TTLL4: variants seen among roughly 807,000 people sequenced by gnomAD.
TTLL4 encodes the protein tubulin tyrosine ligase like 4.
A neutral mutation model predicts 122.7 loss-of-function variants in TTLL4; 85 were observed. That is an observed-to-expected ratio of 0.69 (90% CI 0.58 to 0.83). The LOEUF is 0.83. TTLL4 is among the 40% of genes least tolerant of loss of function. TTLL4 has a pLI of 0.00. For synonymous variants in TTLL4, 553 were observed against 563.0 expected, an observed-to-expected ratio of 0.98 and a Z score of 0.25; for missense variants, 1,363 against 1,488.6, an observed-to-expected ratio of 0.92 and a Z score of 1.39.
intron 8 of TTLL4, 143 bp from the exon 9 acceptor site, chr2:218,746,860 A>G (rs1942857188): frequency 1.2e-6 from 1 of 816,700 alleles, no homozygotes; most frequent in Admixed American, 2.8e-5. Context: ...TGGATACTTG[A>G]GGACCATTAG....
At chr2:218,745,345 G>A in intron 6 of TTLL4, 112 bp downstream of exon 6, 2 of 1,430,684 alleles carry the variant, frequency 1.4e-6, no homozygotes, top group Non-Finnish European at 1.9e-6. Context: ...GGCTGTTGTG[G>A]CAGTTGTCAC....
rs2106431808 is a variant in TTLL4, at chr2:218,737,676, C to T, written c.-1C>T. 6.3e-7 allele frequency: 1 copy of T among 1,585,618 alleles called. No homozygotes were observed. Among genetic ancestry groups the T allele is most frequent in the Non-Finnish European group, 8.6e-7 (1 of 1,164,500 alleles). ...CCGTGTGGCCATGATGTGGGCCCCT[C>T]ATGGCCTCAGCAGGAACACAGCACT... On this transcript the variant is annotated 5_prime_UTR_variant, in exon 3 of 20. Transcript: ENST00000392102.
chr2:218,739,035 T>G lies in TTLL4; in HGVS notation c.1359T>G (p.Gly453=). The part of the protein sequence containing the change: ...SSAFGEGKAP[G]PPFPQTLGIA... ...CATTTGGAGAAGGCAAAGCTCCAGG[T>G]CCCCCTTTTCCTCAAACTCTTGGCA... The change falls in exon 3 of 20, where the codon GGT becomes GGG. Residue 453 remains glycine, a synonymous_variant. Transcript: ENST00000392102. The G allele has an allele frequency of 1.2e-6, 2 of 1,613,946 alleles. No homozygotes were observed. The highest frequency in any genetic ancestry group is 1.7e-6 in the Non-Finnish European group (2 of 1,179,988).
At chr2:218,756,315 G>A (rs929333074), downstream of TTLL4, among the ~76,000 whole-genome samples, 3 of 152,188 alleles carry the variant, frequency 2.0e-5, no homozygotes, top group African/African-American at 7.2e-5. Context: ...GAGGGAACCA[G>A]CATTGCTGAA....
downstream of TTLL4, among the ~76,000 whole-genome samples, chr2:218,758,965 C>G (rs563370399): frequency 6.6e-6 from 1 of 152,220 alleles, no homozygotes; most frequent in Non-Finnish European, 1.5e-5. Flanking sequence ...AACAGAGGGC[C>G]GGGCGTGGTG....
In TTLL4 at chr2:218,754,435, T is replaced by TAC; in HGVS notation, c.*47_*48dup. The TAC allele has an allele frequency of 6.2e-7, 1 of 1,608,150 alleles. No homozygotes were observed. The highest frequency in any genetic ancestry group is 8.5e-7 in the Non-Finnish European group (1 of 1,177,314). On this transcript the variant is annotated 3_prime_UTR_variant, in exon 20 of 20. Transcript: ENST00000392102. ...TCTGCCCAGGAGCATGGGCATCAGCTACCTCACGGGAACCAGCCTGCTGTT... is the reference window on the plus strand; with the variant it reads ...TCTGCCCAGGAGCATGGGCATCAGCTACACCTCACGGGAACCAGCCTGCTGTT...
At chr2:218,756,009 G>C (rs953969693), downstream of TTLL4, among the ~76,000 whole-genome samples, 3 of 152,198 alleles carry the variant, frequency 2.0e-5, no homozygotes, top group African/African-American at 7.2e-5. Context: ...CATAATGGGA[G>C]AGGTCCTTGA....
intron 12 of TTLL4, 69 bp from the exon 13 acceptor site, chr2:218,748,767 C>A: frequency 7.1e-7 from 1 of 1,412,076 alleles, no homozygotes; most frequent in Admixed American, 1.9e-5. Flanking sequence ...GTCTCTTCTT[C>A]GTTTTTCTTT....
chr2:218,748,991 T>A (rs1942939502), intron 13 of TTLL4, 57 bp downstream of exon 13: 1 of 1,559,884 alleles, frequency 6.4e-7, no homozygotes, highest in South Asian at 1.1e-5. Context: ...TCCTTTCTCC[T>A]GGGCCTCACA....
At chr2:218,712,217 G>A (rs1941729937) in intron 1 of TTLL4, among the ~76,000 whole-genome samples, 1 of 152,142 alleles carries the variant, frequency 6.6e-6, no homozygotes, top group Admixed American at 6.6e-5. Context: ...AAAGAGTGAA[G>A]TTAATAGGGG....
chr2:218,744,865 A>G (rs892014068), intron 5 of TTLL4, among the ~76,000 whole-genome samples: 84 of 152,202 alleles, frequency 5.5e-4, no homozygotes, highest in African/African-American at 1.9e-3. Context: ...TTGGAGCTGT[A>G]TTGCAGAATG....
At position 218,737,848 on chromosome 2, in the gene TTLL4, A is replaced by C. The variant is rs1311799555; in HGVS notation, c.172A>C (p.Lys58Gln). The C allele has an allele frequency of 9.9e-6, 16 of 1,614,122 alleles. No homozygotes were observed. Among genetic ancestry groups the C allele is most frequent in the African/African-American group, 1.3e-5 (1 of 74,950 alleles). ...GAAGCCAATCTGGAAGCTGGAAAAG[A>C]AGCAAGTGGAGACACTGTCAGCAGG... ...QVKPIWKLEK[K>Q]QVETLSAGLG... Residue 58 changes from lysine to glutamine, a missense_variant, in exon 3 of 20, where the codon AAG (lysine) becomes CAG (glutamine). Physicochemically the swap from Lys to Gln is moderately conservative, Grantham distance 53 (BLOSUM62 1). Around this residue, in one of 3 missense-constraint regions of TTLL4, gnomAD observed 760 missense variants for 808.4 expected, o/e 0.94. Coordinates refer to ENST00000392102, the MANE Select transcript of TTLL4 (RefSeq NM_014640.5).
intron 2 of TTLL4, among the ~76,000 whole-genome samples, chr2:218,727,579 TA>T (rs1439856069): frequency 2.0e-5 from 3 of 151,912 alleles, no homozygotes; most frequent in African/African-American, 4.8e-5. Context: ...TTGCTAAAAA[TA>T]AAAAAATTAG....
At chr2:218,755,968 C>T (rs570990399), downstream of TTLL4, among the ~76,000 whole-genome samples, 1 of 152,244 alleles carries the variant, frequency 6.6e-6, no homozygotes, top group Admixed American at 6.5e-5. Flanking sequence ...GCATCATTGG[C>T]TGCTCAATAG....
chr2:218,736,483 C>G (rs938851259), intron 2 of TTLL4: 1 of 152,244 alleles, frequency 6.6e-6, no homozygotes, highest in African/African-American at 2.4e-5. Context: ...CTCTTCCTCC[C>G]TGAGATCAGC....
intron 12 of TTLL4, 27 bp from the exon 13 acceptor site, chr2:218,748,809 C>A: frequency 6.2e-7 from 1 of 1,604,042 alleles, no homozygotes; most frequent in Non-Finnish European, 8.5e-7. Context: ...AATTTAATTC[C>A]TAATACTTCC....
chr2:218,739,319 G>A (rs1455727189), intron 3 of TTLL4, among the ~76,000 whole-genome samples, 156 bp downstream of exon 3: 1 of 152,214 alleles, frequency 6.6e-6, no homozygotes, highest in Non-Finnish European at 1.5e-5. Flanking sequence ...GGAAACTATA[G>A]CTTGCAGACC....
intron 1 of TTLL4, among the ~76,000 whole-genome samples, chr2:218,711,434 C>CT (rs139685604): frequency 0.065 from 9,900 of 152,272 alleles, 954 homozygotes; most frequent in African/African-American, 0.22. Flanking sequence ...TGGATATCTG[C>CT]TTTTTCACTT....
At chr2:218,740,230 G>C in intron 4 of TTLL4, 63 bp downstream of exon 4, 1 of 1,496,214 alleles carries the variant, frequency 6.7e-7, no homozygotes, top group Admixed American at 1.7e-5. Context: ...GCAGGGGGCT[G>C]ACAATTGTGT....
Sources: allele counts gnomAD v4.1 joint callset (sites outside exome capture counted in the v4.1 genomes callset), GRCh38; gene constraint gnomAD v4.1.1; regional missense constraint gnomAD v4.1.1; transcripts MANE v1.5; gene names NCBI Gene and HGNC (gene_info 2026-07-23, HGNC 2026-07-21).